The following NRG3 variants were observed in gnomAD, a reference collection of about 807,000 sequenced individuals.
NRG3 encodes pro-neuregulin-3, membrane-bound isoform.
Under a neutral mutation model 66.9 loss-of-function variants are expected in NRG3, and 31 were observed. That is an observed-to-expected ratio of 0.46 (90% CI 0.35 to 0.63). NRG3 has a LOEUF of 0.63. Ranked by LOEUF, NRG3 falls within the 20% of genes least tolerant of loss-of-function variation. The pLI, the probability that NRG3 is intolerant of heterozygous loss-of-function variation, is 0.00. For missense variants in NRG3, 910 were observed against 878.9 expected, an observed-to-expected ratio of 1.04 and a Z score of -0.45; for synonymous variants, 393 against 359.4, an observed-to-expected ratio of 1.09 and a Z score of -1.06.
chr10:82,950,448 G>A (rs922238602), intron 4 of NRG3, among the ~76,000 whole-genome samples: 1 of 152,128 alleles, frequency 6.6e-6, no homozygotes, highest in Non-Finnish European at 1.5e-5. Flanking sequence ...GACTACTTAA[G>A]CTCTGTGATT....
intron 3 of NRG3, among the ~76,000 whole-genome samples, chr10:82,849,022 A>G (rs2063439554): frequency 6.6e-6 from 1 of 152,158 alleles, no homozygotes; most frequent in African/African-American, 2.4e-5. Flanking sequence ...GGCTAATACA[A>G]GTCCTAATAC....
chr10:82,954,554 T>G (rs1849846904), intron 5 of NRG3, among the ~76,000 whole-genome samples: 1 of 151,848 alleles, frequency 6.6e-6, no homozygotes, highest in African/African-American at 2.4e-5. Context: ...ATTTAAAAAA[T>G]GAATCAATTA....
chr10:82,366,906 C>A (rs1285008913), intron 2 of NRG3, among the ~76,000 whole-genome samples: 1 of 152,136 alleles, frequency 6.6e-6, no homozygotes, highest in Non-Finnish European at 1.5e-5. Context: ...TAAAAATAAT[C>A]TGCTTTACGA....
At chr10:82,655,890 A>C (rs1157304075) in intron 2 of NRG3, among the ~76,000 whole-genome samples, 2 of 152,210 alleles carry the variant, frequency 1.3e-5, no homozygotes, top group Non-Finnish European at 2.9e-5. Flanking sequence ...ATGTCAGGAC[A>C]TCTTTGTAAA....
intron 2 of NRG3, among the ~76,000 whole-genome samples, chr10:82,372,670 T>C (rs1191632526): frequency 6.6e-6 from 1 of 152,152 alleles, no homozygotes; most frequent in Non-Finnish European, 1.5e-5. Context: ...TTTGGCTCAC[T>C]GCAACCTCCA....
intron 2 of NRG3, among the ~76,000 whole-genome samples, chr10:82,438,880 C>A (rs561851023): frequency 6.6e-6 from 1 of 152,020 alleles, no homozygotes; most frequent in East Asian, 1.9e-4. Context: ...ATTTTGATGA[C>A]AGAACTTGGA....
In NRG3 at chr10:82,917,950, T is replaced by TTGTGTG. The variant is rs375123841; in HGVS notation, c.1055-33503_1055-33498dup. 1.5e-3 allele frequency among the ~76,000 whole-genome samples: 184 copies of TTGTGTG among 121,900 alleles called. 1 individual carries two copies. Among genetic ancestry groups the TTGTGTG allele is most frequent in the Admixed American group, 4.5e-3 (55 of 12,284 alleles). The allele number at this position is 121,900 out of a possible 152,430, so 80.0% of individuals were successfully genotyped here. A position where few individuals can be genotyped will look rare whatever the true frequency, so the allele number is the denominator to read the frequency against. ...CACACACCCCTGTGTGTATGTGGGA[T>TTGTGTG]TGTGTGTGTGTGTGTGTGTGTATAT... On this transcript the variant is annotated intron_variant, in intron 4 of 8. Transcript: ENST00000372141.
At chr10:82,079,223 T>G (rs2133392407) in intron 1 of NRG3, among the ~76,000 whole-genome samples, 1 of 152,170 alleles carries the variant, frequency 6.6e-6, no homozygotes, top group Non-Finnish European at 1.5e-5. Flanking sequence ...TTTTCTATTT[T>G]TAGTAGAGGT....
At chr10:82,411,943 C>T (rs749093939) in intron 2 of NRG3, among the ~76,000 whole-genome samples, 1 of 151,948 alleles carries the variant, frequency 6.6e-6, no homozygotes, top group Non-Finnish European at 1.5e-5. Context: ...AAAAAGAAAG[C>T]GAGATAAACT....
At chr10:82,504,882 T>G (rs76766068) in intron 2 of NRG3, among the ~76,000 whole-genome samples, 1 of 152,102 alleles carries the variant, frequency 6.6e-6, no homozygotes, top group Non-Finnish European at 1.5e-5. Context: ...CTTTTTTTTT[T>G]GTTACTACAG....
chr10:82,304,495 G>A (rs1216829741), intron 1 of NRG3, among the ~76,000 whole-genome samples: 3 of 152,148 alleles, frequency 2.0e-5, no homozygotes, highest in Admixed American at 1.3e-4. Context: ...AAATATTTTT[G>A]TAGTTGAATT....
intron 2 of NRG3, among the ~76,000 whole-genome samples, chr10:82,578,752 T>A (rs1007338481): frequency 6.6e-6 from 1 of 151,818 alleles, no homozygotes; most frequent in African/African-American, 2.4e-5. Flanking sequence ...GTCCATTACT[T>A]TGCTTAACTT....
In NRG3 at chr10:82,092,603, A is replaced by C. The variant is rs543987039; in HGVS notation, c.823+216440A>C. 4.6e-5 allele frequency among the ~76,000 whole-genome samples: 7 copies of C among 152,254 alleles called. No individual in the cohort carries two copies. The East Asian group carries it at 1.2e-3, about 25-fold the overall frequency. On this transcript the variant is annotated intron_variant, in intron 1 of 8. Transcript: ENST00000372141. ...TAGGTCTGTTGGGAGATCATTCTAC[A>C]TGGGTCTCTTGTATTTCTGTTTCTA...
At chr10:82,974,017 T>C (rs1399536902) in intron 7 of NRG3, 102 bp downstream of exon 7, 15 of 1,321,034 alleles carry the variant, frequency 1.1e-5, no homozygotes, top group Non-Finnish European at 1.5e-5. Context: ...GAGACAACTG[T>C]TCTTGCTTCT....
intron 2 of NRG3, among the ~76,000 whole-genome samples, chr10:82,710,252 C>T (rs1412877010): frequency 1.3e-5 from 2 of 152,178 alleles, no homozygotes; most frequent in Non-Finnish European, 2.9e-5. Context: ...AGAATTGTTG[C>T]AGTGTTTAAT....
intron 2 of NRG3, among the ~76,000 whole-genome samples, chr10:82,727,538 G>A (rs1319717374): frequency 1.3e-5 from 2 of 152,256 alleles, no homozygotes; most frequent in African/African-American, 4.8e-5. Context: ...TTGAGGTTTG[G>A]AAACCTCTGC....
intron 1 of NRG3, among the ~76,000 whole-genome samples, chr10:82,137,416 T>G (rs2069451525): frequency 6.6e-6 from 1 of 152,178 alleles, no homozygotes; most frequent in Non-Finnish European, 1.5e-5. Context: ...TAACTGATCT[T>G]AAACATAAAT....
At chr10:82,499,544 A>G (rs1393689978) in intron 2 of NRG3, among the ~76,000 whole-genome samples, 1 of 152,082 alleles carries the variant, frequency 6.6e-6, no homozygotes. Flanking sequence ...TTAAATTTCT[A>G]ACATTTAGAA....
intron 1 of NRG3, among the ~76,000 whole-genome samples, chr10:82,327,481 T>A (rs1191003349): frequency 6.6e-6 from 1 of 152,234 alleles, no homozygotes. Context: ...TACATGAATG[T>A]CCTTCACTAT....
Sources: allele counts gnomAD v4.1 joint callset (sites outside exome capture counted in the v4.1 genomes callset), GRCh38; gene constraint gnomAD v4.1.1; transcripts MANE v1.5; gene names NCBI Gene and HGNC (gene_info 2026-07-23, HGNC 2026-07-21).